NAP1L1: variants seen among roughly 807,000 people sequenced by gnomAD.
NAP1L1 encodes nucleosome assembly protein 1 like 1, also known as nucleosome assembly protein 1-like 1.
Under a neutral mutation model 58.9 loss-of-function variants are expected in NAP1L1, and 9 were observed. That is an observed-to-expected ratio of 0.15 (90% CI 0.09 to 0.27). NAP1L1 has a LOEUF of 0.27. NAP1L1 is among the 10% of genes least tolerant of loss of function. The pLI is 1.00. For missense variants in NAP1L1, 302 were observed against 458.8 expected (o/e 0.66, Z 3.12); for synonymous variants, 130 against 138.3 (o/e 0.94, Z 0.42).
intron 2 of NAP1L1, among the ~76,000 whole-genome samples, chr12:76,069,536 G>C (rs893876985): frequency 3.9e-5 from 6 of 152,168 alleles, no homozygotes; most frequent in African/African-American, 1.4e-4. Flanking sequence ...GATGGCTCAA[G>C]CTCCAGCAGC....
intron 1 of NAP1L1, 79 bp from the exon 2 acceptor site, chr12:76,074,318 C>A: frequency 1.4e-6 from 2 of 1,417,260 alleles, no homozygotes; most frequent in South Asian, 3.4e-5. Flanking sequence ...CCCTTTAAAT[C>A]AATACCATAC....
At position 76,049,165 on chromosome 12, in the gene NAP1L1, T is replaced by A. The variant is rs1311594154; in HGVS notation, c.1140+35A>T. 1.9e-6 allele frequency: 3 copies of A among 1,577,636 alleles called. No homozygotes were observed. The African/African-American group carries it at 4.1e-5, about 21-fold the overall frequency. On this transcript the variant is annotated intron_variant, in intron 14 of 14. Transcript: ENST00000618691. ...ACACCAACTCTTACTTTAGCTATCT[T>A]AAATTTAATAGAAAGCAGCACTAAT...
chr12:76,074,134 C>T, intron 2 of NAP1L1, 69 bp downstream of exon 2: 1 of 1,253,600 alleles, frequency 8.0e-7, no homozygotes, highest in East Asian at 2.4e-5. Flanking sequence ...ATTCATACTA[C>T]TTGCTGTTAA....
At chr12:76,057,726 T>A (rs1949183995) in intron 6 of NAP1L1, 3 of 1,546,640 alleles carry the variant, frequency 1.9e-6, no homozygotes, top group Non-Finnish European at 2.6e-6. Context: ...ATTTTCCAAA[T>A]GAATATGCAA....
At position 76,039,416 on chromosome 12, in the gene NAP1L1, A is replaced by T. The variant is rs1184569141; in HGVS notation, c.*9013T>A. On this transcript the variant is annotated 3_prime_UTR_variant, in exon 15 of 15. Coordinates refer to ENST00000618691, the MANE Select transcript of NAP1L1 (RefSeq NM_004537.7). Reference sequence around the variant, plus strand: ...TCTGCCTGAGAACCATGAAGCTCCCATATCAGTCCCAGAGTCTGTCTAAGC... The same window carrying T: ...TCTGCCTGAGAACCATGAAGCTCCCTTATCAGTCCCAGAGTCTGTCTAAGC... The T allele has an allele frequency of 6.6e-6, 1 of 152,256 alleles. No individual in the cohort carries two copies. Among genetic ancestry groups the T allele is most frequent in the African/African-American group, 2.4e-5 (1 of 41,464 alleles). The allele number at this position is 152,256 out of a possible 1,614,324, so 9.4% of individuals were successfully genotyped here. A position where few individuals can be genotyped will look rare whatever the true frequency, so the allele number is the denominator to read the frequency against.
intron 3 of NAP1L1, 130 bp downstream of exon 3, chr12:76,068,779 C>CACACACACACACACAA: frequency 3.1e-6 from 2 of 643,768 alleles, no homozygotes; most frequent in Non-Finnish European, 5.6e-6. Flanking sequence ...CACACACACA[C>CACACACACACACACAA]TAGAAGTATG....
intron 11 of NAP1L1, among the ~76,000 whole-genome samples, chr12:76,051,023 C>CA (rs1948801610): frequency 1.5e-5 from 2 of 137,748 alleles, no homozygotes; most frequent in Non-Finnish European, 1.5e-5. Flanking sequence ...AAAAAAAAGA[C>CA]AGACTCTTCA....
rs556196079 is a variant in NAP1L1 at position 76,044,356 on chromosome 12, T to A, written c.*4073A>T. On this transcript the variant is annotated 3_prime_UTR_variant, in exon 15 of 15. Transcript: ENST00000618691. ...AAGAAACTAAAAAGCAATGCTTTTA[T>A]GTAATATTTTATCCTGGGTTTCAAA... 1 of 152,190 alleles carries A rather than the reference T, an allele frequency of 6.6e-6. No individual in the cohort carries two copies. Among genetic ancestry groups the A allele is most frequent in the Non-Finnish European group, 1.5e-5 (1 of 68,022 alleles). 9.4% of individuals were successfully genotyped at this position (152,190 alleles called of 1,614,324 possible).
chr12:76,067,636 G>A (rs1057404548), intron 3 of NAP1L1, 163 bp from the exon 4 acceptor site: 11 of 514,356 alleles, frequency 2.1e-5, no homozygotes, highest in Admixed American at 6.1e-5. Flanking sequence ...ATACACTAAA[G>A]GAAAACCCAA....
intron 1 of NAP1L1, among the ~76,000 whole-genome samples, chr12:76,079,986 C>T (rs1320027950): frequency 6.6e-6 from 1 of 152,178 alleles, no homozygotes; most frequent in Admixed American, 6.5e-5. Context: ...CACACCTGGC[C>T]TCCTGAAAGG....
At chr12:76,074,954 G>C (rs1199159901) in intron 1 of NAP1L1, among the ~76,000 whole-genome samples, 1 of 152,108 alleles carries the variant, frequency 6.6e-6, no homozygotes, top group Non-Finnish European at 1.5e-5. Context: ...TACCAGACCT[G>C]AGTAAGTTTA....
chr12:76,067,101 G>A (rs1949714087), intron 4 of NAP1L1, among the ~76,000 whole-genome samples: 1 of 151,982 alleles, frequency 6.6e-6, no homozygotes, highest in Non-Finnish European at 1.5e-5. Flanking sequence ...TTCTAATTCT[G>A]TGCATTTCTA....
chr12:76,060,393 G>T, intron 4 of NAP1L1, 114 bp from the exon 5 acceptor site: 1 of 981,382 alleles, frequency 1.0e-6, no homozygotes, highest in Non-Finnish European at 1.5e-6. Context: ...TTTATCTGAA[G>T]CAAAAGGTAG....
At chr12:76,055,194 A>G in intron 7 of NAP1L1, 104 bp from the exon 8 acceptor site, 1 of 698,142 alleles carries the variant, frequency 1.4e-6, no homozygotes, top group Non-Finnish European at 2.3e-6. Context: ...ATTTCAAAGT[A>G]GTTTTGTATA....
chr12:76,078,543 C>T (rs1280208315), intron 1 of NAP1L1, among the ~76,000 whole-genome samples: 2 of 152,214 alleles, frequency 1.3e-5, no homozygotes, highest in African/African-American at 4.8e-5. Context: ...TACATACCTA[C>T]AGACATAGTA....
At chr12:76,058,928 T>C (rs373123842) in intron 6 of NAP1L1, among the ~76,000 whole-genome samples, 23 of 152,308 alleles carry the variant, frequency 1.5e-4, no homozygotes, top group African/African-American at 4.6e-4. Context: ...CACAATAACA[T>C]ACTGTTGGTA....
Position 76,050,564 on chromosome 12 carries a change from A to G in NAP1L1, c.1026T>C (p.Phe342=), listed in dbSNP as rs1948769566. 1 of 1,608,264 alleles carries G rather than the reference A, an allele frequency of 6.2e-7. No homozygotes were observed. The highest frequency in any genetic ancestry group is 1.3e-5 in the African/African-American group (1 of 74,616). ...ERIIPRSVLY[F]TGEAIEDDDD... is the part of the protein sequence containing the mutation. ...CATCATCTTCAATAGCTTCTCCAGTAAAATATAACACTGATCTTGGGATTA... is the reference window on the plus strand; with the variant it reads ...CATCATCTTCAATAGCTTCTCCAGTGAAATATAACACTGATCTTGGGATTA... The change falls in exon 12 of 15, where the codon TTT becomes TTC. Residue 342 remains phenylalanine, a synonymous_variant. Coordinates refer to ENST00000618691, the MANE Select transcript of NAP1L1 (RefSeq NM_004537.7).
Position 76,048,298 on chromosome 12 carries a change from A to G in NAP1L1, c.*131T>C. 1.1e-6 allele frequency: 1 copy of G among 948,836 alleles called. No individual in the cohort carries two copies. Among genetic ancestry groups the G allele is most frequent in the Non-Finnish European group, 1.6e-6 (1 of 630,810 alleles). The allele number at this position is 948,836 out of a possible 1,614,324, so 58.8% of individuals were successfully genotyped here. On this transcript the variant is annotated 3_prime_UTR_variant, in exon 15 of 15. Transcript: ENST00000618691. ...AGAACAAATTGGTCTTTAAAATATC[A>G]GTTTCCTGTCCTTTAAAAAAAAATT...
intron 6 of NAP1L1, among the ~76,000 whole-genome samples, chr12:76,058,293 A>G (rs1411796302): frequency 1.3e-5 from 2 of 148,904 alleles, no homozygotes; most frequent in African/African-American, 5.0e-5. Flanking sequence ...AAGGCTGCTT[A>G]TTTTTTTATT....
Sources: allele counts gnomAD v4.1 joint callset (sites outside exome capture counted in the v4.1 genomes callset), GRCh38; gene constraint gnomAD v4.1.1; transcripts MANE v1.5; gene names NCBI Gene and HGNC (gene_info 2026-07-23, HGNC 2026-07-21).